Variants in CAMK1D observed in about 807,000 individuals in gnomAD.
CAMK1D encodes calcium/calmodulin dependent protein kinase ID.
A neutral mutation model predicts 47.7 loss-of-function variants in CAMK1D; 9 were observed. The observed-to-expected ratio is 0.19, with a 90% CI of 0.11 to 0.33. The LOEUF (loss-of-function observed/expected upper bound fraction) is 0.33. CAMK1D is among the 10% of genes least tolerant of loss of function. CAMK1D has a pLI of 1.00. For missense variants in CAMK1D, 291 were observed against 488.7 expected (o/e 0.60, Z 3.81); for synonymous variants, 184 against 184.9 (o/e 0.99, Z 0.04).
intron 2 of CAMK1D, among the ~76,000 whole-genome samples, chr10:12,650,718 G>A (rs145939606): frequency 1.4e-4 from 22 of 152,240 alleles, no homozygotes; most frequent in Admixed American, 2.0e-4. Context: ...TCCTTGTGCC[G>A]CGTTCTCTTG....
At chr10:12,352,467 G>A (rs538638966) in intron 1 of CAMK1D, among the ~76,000 whole-genome samples, 46 of 151,830 alleles carry the variant, frequency 3.0e-4, no homozygotes, top group African/African-American at 1.0e-3. Flanking sequence ...AAATTAGCCG[G>A]GTGTGGTGGT....
intron 3 of CAMK1D, among the ~76,000 whole-genome samples, chr10:12,706,551 A>T (rs1833732016): frequency 6.6e-6 from 1 of 152,154 alleles, no homozygotes; most frequent in Non-Finnish European, 1.5e-5. Context: ...ATCTCTATAA[A>T]AAATTTTTCA....
At chr10:12,552,056 C>T (rs1016576192) in intron 1 of CAMK1D, among the ~76,000 whole-genome samples, 1 of 152,158 alleles carries the variant, frequency 6.6e-6, no homozygotes, top group Non-Finnish European at 1.5e-5. Flanking sequence ...CTGGAGGATC[C>T]GGAGATGATG....
At chr10:12,591,196 C>A (rs1482238717) in intron 2 of CAMK1D, among the ~76,000 whole-genome samples, 1 of 152,182 alleles carries the variant, frequency 6.6e-6, no homozygotes, top group East Asian at 1.9e-4. Context: ...ATGGCCAGAT[C>A]TTATATAAAA....
chr10:12,828,598 G>A (rs564444748), intron 10 of CAMK1D, among the ~76,000 whole-genome samples, 171 bp from the exon 11 acceptor site: 3 of 151,418 alleles, frequency 2.0e-5, no homozygotes, highest in Non-Finnish European at 2.9e-5. Flanking sequence ...CCGAGATCGT[G>A]CCACTGCACT....
chr10:12,695,047 G>C (rs1312723005), intron 3 of CAMK1D, among the ~76,000 whole-genome samples: 1 of 120,226 alleles, frequency 8.3e-6, no homozygotes, highest in South Asian at 3.1e-4. Context: ...TAGATAGATA[G>C]ATAGATAGAT....
chr10:12,405,867 A>G (rs1297132111), intron 1 of CAMK1D, among the ~76,000 whole-genome samples: 2 of 152,360 alleles, frequency 1.3e-5, no homozygotes, highest in Non-Finnish European at 2.9e-5. Flanking sequence ...CTGCTTAGCA[A>G]TAATTTGCCA....
intron 1 of CAMK1D, among the ~76,000 whole-genome samples, chr10:12,548,447 C>CTTTTT (rs35061502): frequency 2.5e-3 from 202 of 81,196 alleles, no homozygotes; most frequent in Non-Finnish European, 2.8e-3. Context: ...CCATTTTAAG[C>CTTTTT]TTTTTTTTTT....
At chr10:12,662,790 C>T (rs2132541084) in intron 2 of CAMK1D, among the ~76,000 whole-genome samples, 1 of 152,292 alleles carries the variant, frequency 6.6e-6, no homozygotes, top group South Asian at 2.1e-4. Flanking sequence ...AGTAGTGAAA[C>T]AGTCAAAAAT....
intron 2 of CAMK1D, among the ~76,000 whole-genome samples, chr10:12,644,025 T>C (rs1430931409): frequency 6.6e-6 from 1 of 152,194 alleles, no homozygotes; most frequent in Non-Finnish European, 1.5e-5. Context: ...TATTTCATTA[T>C]ACATTACAAT....
intron 1 of CAMK1D, among the ~76,000 whole-genome samples, chr10:12,472,307 A>G (rs1039781306): frequency 5.9e-5 from 9 of 152,008 alleles, no homozygotes; most frequent in African/African-American, 2.2e-4. Context: ...TAGGCCTCAG[A>G]TGGTCCATGT....
At chr10:12,424,584 G>A (rs965622444) in intron 1 of CAMK1D, among the ~76,000 whole-genome samples, 13 of 152,132 alleles carry the variant, frequency 8.5e-5, no homozygotes, top group African/African-American at 2.2e-4. Flanking sequence ...CCAGTCCAGC[G>A]TATTTTCCAC....
chr10:12,627,674 AT>A (rs1372941384), intron 2 of CAMK1D, among the ~76,000 whole-genome samples: 1 of 152,168 alleles, frequency 6.6e-6, no homozygotes. Context: ...ACTCAGCATA[AT>A]GTTTTTGAGC....
chr10:12,472,827 C>G (rs1387430920), intron 1 of CAMK1D, among the ~76,000 whole-genome samples: 2 of 152,148 alleles, frequency 1.3e-5, no homozygotes, highest in African/African-American at 4.8e-5. Flanking sequence ...TGGCCTCATT[C>G]ACTCGGCTGT....
intron 4 of CAMK1D, among the ~76,000 whole-genome samples, chr10:12,767,012 C>A (rs1262344101): frequency 6.6e-6 from 1 of 152,090 alleles, no homozygotes; most frequent in African/African-American, 2.4e-5. Flanking sequence ...AAATCCAGAG[C>A]CCTGGGCCCC....
intron 4 of CAMK1D, among the ~76,000 whole-genome samples, chr10:12,766,599 A>G (rs890980044): frequency 1.3e-5 from 2 of 152,168 alleles, no homozygotes; most frequent in African/African-American, 4.8e-5. Context: ...AAAAAAAAAT[A>G]ATAATTTATT....
chr10:12,487,195 G>T (rs1438120522), intron 1 of CAMK1D, among the ~76,000 whole-genome samples: 1 of 151,990 alleles, frequency 6.6e-6, no homozygotes, highest in Non-Finnish European at 1.5e-5. Context: ...AGGAGGCCCC[G>T]GTGTCAGCTG....
At chr10:12,645,751 A>T (rs1395045737) in intron 2 of CAMK1D, among the ~76,000 whole-genome samples, 1 of 152,214 alleles carries the variant, frequency 6.6e-6, no homozygotes, top group African/African-American at 2.4e-5. Flanking sequence ...AAGGAAAGAG[A>T]GTTGGACGGC....
At chr10:12,600,559 G>A (rs1295073872) in intron 2 of CAMK1D, among the ~76,000 whole-genome samples, 3 of 152,182 alleles carry the variant, frequency 2.0e-5, no homozygotes, top group African/African-American at 7.2e-5. Context: ...CAACCAAGAA[G>A]TCCGATAATG....
Sources: allele counts gnomAD v4.1 joint callset (sites outside exome capture counted in the v4.1 genomes callset), GRCh38; gene constraint gnomAD v4.1.1; transcripts MANE v1.5; gene names NCBI Gene and HGNC (gene_info 2026-07-23, HGNC 2026-07-21).